The following GTF3C4 variants were observed in gnomAD, a reference collection of about 807,000 sequenced individuals.
GTF3C4 encodes general transcription factor 3C polypeptide 4.
In GTF3C4, 28 loss-of-function variants were observed where a neutral mutation model predicts 67.5. The observed-to-expected ratio is 0.41, with a 90% CI of 0.31 to 0.57. GTF3C4 has a LOEUF of 0.57. GTF3C4 is among the 20% of genes least tolerant of loss of function. The pLI is 0.21. For synonymous variants in GTF3C4, 409 were observed against 393.0 expected (o/e 1.04, Z -0.48); for missense variants, 831 against 1,033.2 (o/e 0.80, Z 2.68).
chr9:132,679,120 C>T lies in GTF3C4; in HGVS notation c.1501C>T (p.Leu501Phe). 1 of 1,614,184 alleles carries T rather than the reference C, an allele frequency of 6.2e-7. No homozygotes were observed. Among genetic ancestry groups the T allele is most frequent in the South Asian group, 1.1e-5 (1 of 91,084 alleles). Reference protein sequence around the residue: ...IITTEGMINGLHPVNKNYQVQ... With the variant: ...IITTEGMINGFHPVNKNYQVQ... ...CACCACTGAGGGCATGATCAACGGC[C>T]TCCACCCTGTTAACAAAAACTACCA... The change falls in exon 2 of 5, where the codon CTC (leucine) becomes TTC (phenylalanine). Residue 501 changes from leucine to phenylalanine, a missense_variant. By Grantham distance (22) the Leu-to-Phe change is conservative. Coordinates refer to ENST00000372146, the MANE Select transcript of GTF3C4 (RefSeq NM_012204.4). The surrounding 1 kb of genome is among the most constrained non-coding windows in gnomAD (Gnocchi z 5.9).
At position 132,677,963 on chromosome 9, in the gene GTF3C4, T is replaced by C. The variant is rs1259929586; in HGVS notation, c.358-14T>C. On this transcript the variant is annotated splice_polypyrimidine_tract_variant and intron_variant, in intron 1 of 4. Transcript: ENST00000372146. ...AAATGCTCATCTGATAGTTTTTATATCTCTTATTTTCAGGTTGGCTCAAAA... is the reference window on the plus strand; with the variant it reads ...AAATGCTCATCTGATAGTTTTTATACCTCTTATTTTCAGGTTGGCTCAAAA... The C allele has an allele frequency of 6.4e-7, 1 of 1,569,122 alleles. No individual in the cohort carries two copies. Among genetic ancestry groups the C allele is most frequent in the African/African-American group, 1.4e-5 (1 of 72,950 alleles).
At position 132,670,562 on chromosome 9, in the gene GTF3C4, G is replaced by T; in HGVS notation, c.-37G>T. On this transcript the variant is annotated 5_prime_UTR_variant, in exon 1 of 5. Coordinates refer to ENST00000372146, the MANE Select transcript of GTF3C4 (RefSeq NM_012204.4). ...CGGGAGGTGGTCGCGCGACTGCGTG[G>T]AGCGCCAGGGCGTCCGACCTCTGCA... 1 of 1,360,746 alleles carries T rather than the reference G, an allele frequency of 7.3e-7. No individual in the cohort carries two copies. Among genetic ancestry groups the T allele is most frequent in the South Asian group, 1.6e-5 (1 of 61,028 alleles). The allele number at this position is 1,360,746 out of a possible 1,614,324, so 84.3% of individuals were successfully genotyped here. A position where few individuals can be genotyped will look rare whatever the true frequency, so the allele number is the denominator to read the frequency against.
At position 132,689,206 on chromosome 9, in the gene GTF3C4, A is replaced by G. The variant is rs929480889; in HGVS notation, c.*261A>G. 7.2e-5 allele frequency: 33 copies of G among 457,682 alleles called. No individual in the cohort carries two copies. The Admixed American group carries it at 8.9e-4, about 12-fold the overall frequency. The allele number at this position is 457,682 out of a possible 1,614,324, so 28.4% of individuals were successfully genotyped here. A position where few individuals can be genotyped will look rare whatever the true frequency, so the allele number is the denominator to read the frequency against. ...AGCATTAGCCCCAGCTTTGTAACCA[A>G]TGAGGAACACTTACTTATTTTTAAG... On this transcript the variant is annotated 3_prime_UTR_variant, in exon 5 of 5. Coordinates refer to ENST00000372146, the MANE Select transcript of GTF3C4 (RefSeq NM_012204.4).
rs1327093040 is a variant in GTF3C4 at position 132,679,916 on chromosome 9, T to C, written c.2184+113T>C. The stretch of plus-strand genomic sequence containing the variant: ...AACTTTTGCTTTGACATTTTTTAGG[T>C]AATTTATTTGCTTGAGGTGCAGGGT... On this transcript the variant is annotated intron_variant, in intron 2 of 4. Transcript: ENST00000372146. This position sits in a 1 kb window ranked among gnomAD's most constrained non-coding sequence, Gnocchi z 5.9. 5.1e-6 allele frequency: 5 copies of C among 976,828 alleles called. No individual in the cohort carries two copies. The highest frequency in any genetic ancestry group is 7.5e-6 in the Non-Finnish European group (5 of 664,926). The allele number at this position is 976,828 out of a possible 1,614,324, so 60.5% of individuals were successfully genotyped here. A position where few individuals can be genotyped will look rare whatever the true frequency, so the allele number is the denominator to read the frequency against.
Position 132,670,574 on chromosome 9 carries a change from G to T in GTF3C4, c.-25G>T. The T allele has an allele frequency of 7.1e-7, 1 of 1,400,258 alleles. No homozygotes were observed. The allele number at this position is 1,400,258 out of a possible 1,614,324, so 86.7% of individuals were successfully genotyped here. A position where few individuals can be genotyped will look rare whatever the true frequency, so the allele number is the denominator to read the frequency against. On this transcript the variant is annotated 5_prime_UTR_variant, in exon 1 of 5. Coordinates refer to ENST00000372146, the MANE Select transcript of GTF3C4 (RefSeq NM_012204.4). ...GCGCGACTGCGTGGAGCGCCAGGGC[G>T]TCCGACCTCTGCACCTGAGAGAAGA...
chr9:132,670,986 T>C, intron 1 of GTF3C4, 31 bp downstream of exon 1: 1 of 1,426,940 alleles, frequency 7.0e-7, no homozygotes, highest in Non-Finnish European at 9.9e-7. Flanking sequence ...CCTGGGGTCT[T>C]CCCCTGTCCC....
chr9:132,683,686 T>A lies in GTF3C4; in HGVS notation c.2308T>A (p.Trp770Arg). The A allele has an allele frequency of 6.2e-7, 1 of 1,607,990 alleles. No homozygotes were observed. Among genetic ancestry groups the A allele is most frequent in the Non-Finnish European group, 8.5e-7 (1 of 1,178,528 alleles). ...KQAVCSNGHI[W>R]LRCFLTYQSC... ...GGCAGTCTGTTCCAATGGCCACATT[T>A]GGCTCCGGTAAGCCATTTTAAAAGT... The change falls in exon 3 of 5, where the codon TGG (tryptophan) becomes AGG (arginine). Residue 770 changes from tryptophan (W) to arginine (R), a missense_variant. Physicochemically the swap from Trp to Arg is moderately radical, Grantham distance 101. Coordinates refer to ENST00000372146, the MANE Select transcript of GTF3C4 (RefSeq NM_012204.4).
In GTF3C4 at chr9:132,690,508, C is replaced by T. The variant is rs1063132; in HGVS notation, c.*1563C>T. 4.0e-5 allele frequency: 6 copies of T among 151,244 alleles called. No individual in the cohort carries two copies. The highest frequency in any genetic ancestry group is 8.8e-5 in the Non-Finnish European group (6 of 67,828). 9.4% of individuals were successfully genotyped at this position (151,244 alleles called of 1,614,324 possible). A position where few individuals can be genotyped will look rare whatever the true frequency, so the allele number is the denominator to read the frequency against. ...GACGGCAACCTCCCCACCCCCACCC[C>T]GCATTGATAGGTAGTGCAGACCAGC... On this transcript the variant is annotated 3_prime_UTR_variant, in exon 5 of 5. Coordinates refer to ENST00000372146, the MANE Select transcript of GTF3C4 (RefSeq NM_012204.4).
In GTF3C4 at chr9:132,683,646, C is replaced by T. The variant is rs200934328; in HGVS notation, c.2268C>T (p.Phe756=). The T allele has an allele frequency of 6.2e-7, 1 of 1,613,134 alleles. No homozygotes were observed. The highest frequency in any genetic ancestry group is 1.7e-5 in the Admixed American group (1 of 59,788). Residue 756 remains phenylalanine (F), a synonymous_variant, in exon 3 of 5, where the codon TTC becomes TTT. Coordinates refer to ENST00000372146, the MANE Select transcript of GTF3C4 (RefSeq NM_012204.4). The part of the protein sequence containing the change: ...HCSLCKEILP[F]TDRKQAVCSN... ...GTTTGTGTAAAGAGATCTTGCCATT[C>T]ACAGATCGCAAACAGGCAGTCTGTT... is the stretch of plus-strand genomic sequence containing the variant.
At chr9:132,682,953 C>T (rs745477560) in intron 2 of GTF3C4, among the ~76,000 whole-genome samples, 19 of 152,110 alleles carry the variant, frequency 1.2e-4, no homozygotes, top group Non-Finnish European at 5.9e-5. Flanking sequence ...CAAAGAAAGG[C>T]CTAGAGCCTG....
Position 132,670,709 on chromosome 9 carries a change from G to A in GTF3C4, c.111G>A (p.Ala37=). 6.6e-7 allele frequency: 1 copy of A among 1,525,278 alleles called. No homozygotes were observed. Among genetic ancestry groups the A allele is most frequent in the Non-Finnish European group, 8.7e-7 (1 of 1,143,196 alleles). The allele number at this position is 1,525,278 out of a possible 1,614,324, so 94.5% of individuals were successfully genotyped here. A position where few individuals can be genotyped will look rare whatever the true frequency, so the allele number is the denominator to read the frequency against. ...AGGCGGGCGGGAAGGAGCCAGCAGCGGACGCGGCCCCGGGGCCCAGCGCTG... is the reference window on the plus strand; with the variant it reads ...AGGCGGGCGGGAAGGAGCCAGCAGCAGACGCGGCCCCGGGGCCCAGCGCTG... The part of the protein sequence containing the change: ...GGEAGGKEPA[A]DAAPGPSAAF... Residue 37 remains alanine (A), a synonymous_variant, in exon 1 of 5, where the codon GCG becomes GCA. Coordinates refer to ENST00000372146, the MANE Select transcript of GTF3C4 (RefSeq NM_012204.4).
rs2130903719 is a variant in GTF3C4, at chr9:132,689,103, T to G, written c.*158T>G. 1.6e-6 allele frequency: 1 copy of G among 626,768 alleles called. No individual in the cohort carries two copies. Among genetic ancestry groups the G allele is most frequent in the Non-Finnish European group, 2.9e-6 (1 of 349,444 alleles). 38.8% of individuals were successfully genotyped at this position (626,768 alleles called of 1,614,324 possible). Reference sequence around the variant, plus strand: ...AGGGCCCCTGGAGCTCATTTCTGAATCGCACTCTCCATTTCCAGAGACTAA... The same window carrying G: ...AGGGCCCCTGGAGCTCATTTCTGAAGCGCACTCTCCATTTCCAGAGACTAA... On this transcript the variant is annotated 3_prime_UTR_variant, in exon 5 of 5. Coordinates refer to ENST00000372146, the MANE Select transcript of GTF3C4 (RefSeq NM_012204.4).
At chr9:132,683,797 C>G in intron 3 of GTF3C4, 104 bp downstream of exon 3, 2 of 1,118,272 alleles carry the variant, frequency 1.8e-6, no homozygotes, top group Non-Finnish European at 2.5e-6. Context: ...TATCTGTTGC[C>G]CTTGCCAATT....
Position 132,670,938 on chromosome 9 carries a change from A to G in GTF3C4, c.340A>G (p.Asn114Asp), listed in dbSNP as rs749149752. The G allele has an allele frequency of 6.2e-6, 10 of 1,610,408 alleles. No homozygotes were observed. The highest frequency in any genetic ancestry group is 8.5e-7 in the Non-Finnish European group (1 of 1,178,366). ...IHRTSVPAPL[N>D]SCLLKVGSKT... The stretch of plus-strand genomic sequence containing the variant: ...CCGCACCTCGGTGCCCGCACCGCTC[A>G]ACAGCTGTCTCCTCAAAGTAAGTCA... Residue 114 changes from asparagine (N) to aspartate (D), a missense_variant, in exon 1 of 5, where the codon AAC (asparagine) becomes GAC (aspartate). By Grantham distance (23) the Asn-to-Asp change is conservative (BLOSUM62 1). Transcript: ENST00000372146.
Position 132,670,844 on chromosome 9 carries a change from G to C in GTF3C4, c.246G>C (p.Thr82=). 1.2e-6 allele frequency: 2 copies of C among 1,610,936 alleles called. No individual in the cohort carries two copies. Among genetic ancestry groups the C allele is most frequent in the Non-Finnish European group, 1.7e-6 (2 of 1,179,686 alleles). ...AGGACCACCGCGTGTCTGTGTCCAC[G>C]GCCCGCAGCATCGCTGTGCTGGAGC... ...WSEDHRVSVS[T]ARSIAVLELI... is the part of the protein sequence containing the mutation. The change falls in exon 1 of 5, where the codon ACG becomes ACC. Residue 82 remains threonine (T), a synonymous_variant. Transcript: ENST00000372146.
intron 2 of GTF3C4, among the ~76,000 whole-genome samples, chr9:132,681,564 C>T (rs1835944866): frequency 6.6e-6 from 1 of 152,092 alleles, no homozygotes; most frequent in Non-Finnish European, 1.5e-5. Flanking sequence ...TTATCACTCC[C>T]CCCCGAACAT....
chr9:132,682,765 T>C lies in GTF3C4; in HGVS notation c.2185-798T>C, dbSNP rs187798949. On this transcript the variant is annotated intron_variant, in intron 2 of 4. Transcript: ENST00000372146. The stretch of plus-strand genomic sequence containing the variant: ...AATTACAGGTATGTGCCACCGTGCC[T>C]GGCTACTTTTTGTATTTTTAGTAGA... 5.3e-5 allele frequency among the ~76,000 whole-genome samples: 8 copies of C among 152,044 alleles called. No individual in the cohort carries two copies. In the East Asian group the frequency reaches 1.5e-3, roughly 29 times the overall value.
intron 1 of GTF3C4, among the ~76,000 whole-genome samples, chr9:132,676,321 GAT>G (rs1491378875): frequency 8.2e-6 from 1 of 121,632 alleles, no homozygotes; most frequent in Non-Finnish European, 1.7e-5. Context: ...CCATTTGGGG[GAT>G]TTTTTTTTTT....
intron 1 of GTF3C4, 145 bp downstream of exon 1, chr9:132,671,100 G>T: frequency 4.6e-6 from 3 of 647,742 alleles, no homozygotes; most frequent in South Asian, 1.8e-5. Flanking sequence ...AGCAGCCAGG[G>T]TTACCACAGC....
Sources: allele counts gnomAD v4.1 joint callset (sites outside exome capture counted in the v4.1 genomes callset), GRCh38; gene constraint gnomAD v4.1.1; non-coding constraint Gnocchi (gnomAD v3.1); transcripts MANE v1.5; gene names NCBI Gene and HGNC (gene_info 2026-07-23, HGNC 2026-07-21).